The following STAG1 variants were observed in gnomAD, a reference collection of about 807,000 sequenced individuals.
STAG1 encodes cohesin subunit SA-1.
Under a neutral mutation model 170.9 loss-of-function variants are expected in STAG1, and 26 were observed. The ratio of observed to expected loss-of-function variants is 0.15; its 90% CI spans 0.11 to 0.21. The LOEUF (loss-of-function observed/expected upper bound fraction) is 0.21. Among genes scored for constraint, STAG1 ranks in the 10% least tolerant of loss-of-function variants. The pLI is 1.00. For missense variants in STAG1, 964 were observed against 1,509.5 expected (o/e 0.64, Z 5.99); for synonymous variants, 514 against 497.7 (o/e 1.03, Z -0.44).
intron 1 of STAG1, among the ~76,000 whole-genome samples, chr3:136,633,843 G>T (rs914468704): frequency 2.0e-5 from 3 of 150,472 alleles, no homozygotes; most frequent in Non-Finnish European, 3.0e-5. Context: ...TTAAAAACTG[G>T]CCAGGCACAG....
chr3:136,508,596 G>T (rs1559847914), intron 7 of STAG1, among the ~76,000 whole-genome samples: 1 of 152,192 alleles, frequency 6.6e-6, no homozygotes, highest in Admixed American at 6.5e-5. Context: ...GCCGAGGTGG[G>T]AGGATTACAT....
chr3:136,359,281 C>A lies in STAG1; in HGVS notation c.2803G>T (p.Val935Phe). ...TCTAGGTTGGGACCTTGCTCTTGAA[C>A]AAGTTCATTAAATAACTGATAGAAA... Reference protein sequence around the residue: ...LSLQQLFNELVQEQGPNLDRT... With the variant: ...LSLQQLFNELFQEQGPNLDRT... Residue 935 changes from valine (V) to phenylalanine (F), a missense_variant, in exon 27 of 34, where the codon GTT (valine) becomes TTT (phenylalanine). This residue lies in a region of STAG1 where 149 missense variants were observed against 301.3 expected (regional missense o/e 0.49). Transcript: ENST00000383202. 1 of 1,583,024 alleles carries A rather than the reference C, an allele frequency of 6.3e-7. No homozygotes were observed. Among genetic ancestry groups the A allele is most frequent in the Non-Finnish European group, 8.6e-7 (1 of 1,164,996 alleles).
chr3:136,412,091 C>G (rs2087640702), intron 21 of STAG1, among the ~76,000 whole-genome samples: 1 of 152,032 alleles, frequency 6.6e-6, no homozygotes, highest in Non-Finnish European at 1.5e-5. Context: ...TCCCACTGGC[C>G]AAATCTGCTA....
intron 21 of STAG1, among the ~76,000 whole-genome samples, chr3:136,400,547 T>C (rs1398214734): frequency 6.6e-6 from 1 of 151,750 alleles, no homozygotes; most frequent in Non-Finnish European, 1.5e-5. Flanking sequence ...TTCTTTTTTT[T>C]TTTTTTGAGA....
chr3:136,403,963 C>T (rs1017596862), intron 21 of STAG1, among the ~76,000 whole-genome samples: 6 of 152,202 alleles, frequency 3.9e-5, no homozygotes, highest in African/African-American at 1.4e-4. Context: ...TGGAAACATT[C>T]TGCTTTCTCG....
rs779532535 is a variant in STAG1 at position 136,623,233 on chromosome 3, T to C, written c.45A>G (p.Glu15=). ...TGCCAGCATCGGAATGGGCAGTAGTTTCATTAGTTGAATCCCTAGAAAATG... is the reference window on the plus strand; with the variant it reads ...TGCCAGCATCGGAATGGGCAGTAGTCTCATTAGTTGAATCCCTAGAAAATG... The part of the protein sequence containing the change: ...ELPVLQDSTN[E]TTAHSDAGSE... The change falls in exon 3 of 34, where the codon GAA becomes GAG. Residue 15 remains glutamate (E), a synonymous_variant. Transcript: ENST00000383202. 1.2e-5 allele frequency: 20 copies of C among 1,613,130 alleles called. No individual in the cohort carries two copies. Among genetic ancestry groups the C allele is most frequent in the Non-Finnish European group, 1.6e-5 (19 of 1,179,454 alleles).
At chr3:136,750,695 TG>T (rs1264514370) in intron 1 of STAG1, among the ~76,000 whole-genome samples, 1 of 152,244 alleles carries the variant, frequency 6.6e-6, no homozygotes, top group East Asian at 1.9e-4. Context: ...GGAAAATGCG[TG>T]GCAAAACACC....
At chr3:136,729,162 GTTTT>G (rs1223906622) in intron 1 of STAG1, among the ~76,000 whole-genome samples, 9 of 151,784 alleles carry the variant, frequency 5.9e-5, no homozygotes, top group Non-Finnish European at 1.5e-5. Flanking sequence ...CGTGTGTGTG[GTTTT>G]TTTGTTTTTG....
chr3:136,672,117 A>C (rs1490357177), intron 1 of STAG1, among the ~76,000 whole-genome samples: 2 of 152,248 alleles, frequency 1.3e-5, no homozygotes, highest in Non-Finnish European at 2.9e-5. Flanking sequence ...TACCAAAGCA[A>C]GGATTCCATT....
intron 9 of STAG1, among the ~76,000 whole-genome samples, chr3:136,478,225 A>C (rs1193335656): frequency 6.6e-6 from 1 of 152,220 alleles, no homozygotes; most frequent in African/African-American, 2.4e-5. Flanking sequence ...TCTAGTGACA[A>C]TGGTAACCAT....
chr3:136,727,053 T>G (rs1249569395), intron 1 of STAG1, among the ~76,000 whole-genome samples: 1 of 152,226 alleles, frequency 6.6e-6, no homozygotes, highest in African/African-American at 2.4e-5. Flanking sequence ...TGGCCTTTTT[T>G]AATGTTAAGT....
At chr3:136,494,463 C>T (rs1417871485) in intron 9 of STAG1, among the ~76,000 whole-genome samples, 1 of 152,102 alleles carries the variant, frequency 6.6e-6, no homozygotes, top group Admixed American at 6.6e-5. Flanking sequence ...AAGAATAGTT[C>T]CCAGTGTATT....
chr3:136,386,695 A>T (rs1042988365), intron 22 of STAG1, among the ~76,000 whole-genome samples: 2 of 151,984 alleles, frequency 1.3e-5, no homozygotes, highest in Admixed American at 1.3e-4. Context: ...ACACCTAGCT[A>T]ATTTTTTTTT....
At chr3:136,751,808 CGG>C (rs66637715) in intron 1 of STAG1, among the ~76,000 whole-genome samples, 1 of 148,160 alleles carries the variant, frequency 6.7e-6, no homozygotes, top group Non-Finnish European at 1.5e-5. Flanking sequence ...AGAGCCCGGG[CGG>C]GGGGGGGCGG....
chr3:136,540,605 T>C (rs1935842926), intron 6 of STAG1, among the ~76,000 whole-genome samples: 1 of 151,882 alleles, frequency 6.6e-6, no homozygotes, highest in Non-Finnish European at 1.5e-5. Flanking sequence ...TTGGATCACC[T>C]GAGGTCAGGA....
chr3:136,725,189 A>C (rs1321101504), intron 1 of STAG1, among the ~76,000 whole-genome samples: 1 of 152,186 alleles, frequency 6.6e-6, no homozygotes, highest in African/African-American at 2.4e-5. Flanking sequence ...GTGAACCTTT[A>C]CCAAAAATCT....
chr3:136,635,953 T>C (rs1940535357), intron 1 of STAG1, among the ~76,000 whole-genome samples: 1 of 152,064 alleles, frequency 6.6e-6, no homozygotes, highest in African/African-American at 2.4e-5. Flanking sequence ...AATTGTAATG[T>C]AAGAAATCCA....
intron 13 of STAG1, among the ~76,000 whole-genome samples, chr3:136,461,251 C>T (rs999570614): frequency 3.3e-5 from 5 of 152,070 alleles, no homozygotes; most frequent in African/African-American, 1.2e-4. Flanking sequence ...AGGTGAAAGC[C>T]TTTCCCATAA....
intron 13 of STAG1, among the ~76,000 whole-genome samples, chr3:136,463,768 T>TGTACAC (rs755853025): frequency 5.2e-5 from 2 of 38,590 alleles, no homozygotes; most frequent in East Asian, 2.2e-3. Flanking sequence ...TGTGTGTGTG[T>TGTACAC]ATACACACAC....
Sources: allele counts gnomAD v4.1 joint callset (sites outside exome capture counted in the v4.1 genomes callset), GRCh38; gene constraint gnomAD v4.1.1; regional missense constraint gnomAD v4.1.1; transcripts MANE v1.5; gene names NCBI Gene and HGNC (gene_info 2026-07-23, HGNC 2026-07-21).